The following HDLBP variants were observed in gnomAD, a reference collection of about 807,000 sequenced individuals.
The protein encoded by HDLBP is vigilin.
HDLBP carries 30 observed loss-of-function variants against 137.3 expected under a neutral mutation model. That is an observed-to-expected ratio of 0.22 (90% CI 0.16 to 0.30). The LOEUF is 0.30. HDLBP is among the 10% of genes least tolerant of loss of function. The pLI is 1.00. For synonymous variants in HDLBP, 606 were observed against 596.0 expected (o/e 1.02, Z -0.24); for missense variants, 1,119 against 1,667.3 (o/e 0.67, Z 5.73).
chr2:241,234,741 T>G (rs1414000414), intron 23 of HDLBP, among the ~76,000 whole-genome samples: 1 of 152,202 alleles, frequency 6.6e-6, no homozygotes, highest in Non-Finnish European at 1.5e-5. Flanking sequence ...TCATTCGCCC[T>G]TTGACCACCC....
rs541010493 is a variant in HDLBP, at chr2:241,229,296, G to A, written c.*305C>T. 1.3e-5 allele frequency: 4 copies of A among 315,864 alleles called. No homozygotes were observed. The highest frequency in any genetic ancestry group is 8.7e-5 in the East Asian group (1 of 11,474). 19.6% of individuals were successfully genotyped at this position (315,864 alleles called of 1,614,324 possible). A position where few individuals can be genotyped will look rare whatever the true frequency, so the allele number is the denominator to read the frequency against. On this transcript the variant is annotated 3_prime_UTR_variant, in exon 28 of 28. Transcript: ENST00000310931. Reference sequence around the variant, plus strand: ...TCCTAGCCACGGCTGCGGAGCTCTCGTGATGAAGGCCAGAGTGCTGACTGA... The same window carrying A: ...TCCTAGCCACGGCTGCGGAGCTCTCATGATGAAGGCCAGAGTGCTGACTGA...
intron 7 of HDLBP, 115 bp from the exon 8 acceptor site, chr2:241,255,695 C>G: frequency 2.6e-6 from 2 of 756,998 alleles, no homozygotes; most frequent in Admixed American, 2.1e-5. Flanking sequence ...AGATGCTGAT[C>G]CCAAGAAGTG....
At chr2:241,306,919 C>G (rs1368395438) in intron 1 of HDLBP, among the ~76,000 whole-genome samples, 1 of 150,354 alleles carries the variant, frequency 6.7e-6, no homozygotes, top group Non-Finnish European at 1.5e-5. Context: ...TCCCAAGTCC[C>G]CAAGTCATAA....
intron 3 of HDLBP, among the ~76,000 whole-genome samples, chr2:241,265,095 T>C (rs1375144068): frequency 6.6e-6 from 1 of 152,222 alleles, no homozygotes; most frequent in Non-Finnish European, 1.5e-5. Flanking sequence ...CAAACTCTGA[T>C]TTTCCACTGT....
At chr2:241,273,354 C>G (rs891251062) in intron 1 of HDLBP, 3 of 616,762 alleles carry the variant, frequency 4.9e-6, no homozygotes, top group Non-Finnish European at 6.1e-6. Context: ...CTTAATCTCC[C>G]CCCCAAAATG....
intron 1 of HDLBP, among the ~76,000 whole-genome samples, chr2:241,279,672 G>A (rs1289471817): frequency 6.6e-6 from 1 of 152,114 alleles, no homozygotes; most frequent in Admixed American, 6.5e-5. Flanking sequence ...TACAGTAGGA[G>A]GGAAAAACTA....
intron 1 of HDLBP, 134 bp from the exon 2 acceptor site, chr2:241,268,675 C>A: frequency 5.3e-6 from 1 of 187,740 alleles, no homozygotes; most frequent in Non-Finnish European, 1.0e-5. Context: ...TTACTAACAC[C>A]AATACTCAGG....
chr2:241,232,982 G>A (rs2069956606), intron 24 of HDLBP, among the ~76,000 whole-genome samples: 1 of 144,082 alleles, frequency 6.9e-6, no homozygotes, highest in Non-Finnish European at 1.5e-5. Context: ...AGCTGGGGAG[G>A]AAGAAGGGGA....
chr2:241,287,214 G>A (rs1226927449), intron 1 of HDLBP, among the ~76,000 whole-genome samples: 3 of 152,006 alleles, frequency 2.0e-5, no homozygotes, highest in Non-Finnish European at 2.9e-5. Flanking sequence ...GGGTTCAAGC[G>A]ATTCTCTTGC....
chr2:241,229,784 G>GGCCCCCCCCCCCCCC, intron 27 of HDLBP, 49 bp downstream of exon 27: 1 of 1,502,548 alleles, frequency 6.7e-7, no homozygotes. Flanking sequence ...AAGCCCGCCT[G>GGCCCCCCCCCCCCCC]CCCGCCCACC....
In HDLBP at chr2:241,239,296, T is replaced by A. The variant is rs146918441; in HGVS notation, c.2610+306A>T. On this transcript the variant is annotated intron_variant, in intron 19 of 27. Coordinates refer to ENST00000310931, the MANE Select transcript of HDLBP (RefSeq NM_005336.6). The surrounding 1 kb of genome is among the most constrained non-coding windows in gnomAD (Gnocchi z 4.6). ...CTGCATTTTCATTTTTCCTGATCCC[T>A]TATACAGAATGCATTTTCTTTCTTT... Among the ~76,000 whole-genome samples the A allele has an allele frequency of 3.3e-5, 5 of 152,258 alleles. No individual in the cohort carries two copies. The East Asian group carries it at 9.6e-4, about 29-fold the overall frequency.
rs201789453 is a variant in HDLBP at position 241,236,529 on chromosome 2, G to A, written c.2904+86C>T. On this transcript the variant is annotated intron_variant, in intron 21 of 27. Transcript: ENST00000310931. The stretch of plus-strand genomic sequence containing the variant: ...CACTGCCACTGCCGCTTGGGCAACC[G>A]TCCATCCCATCCAGGCCACGCGTCT... 2.6e-4 allele frequency: 364 copies of A among 1,395,170 alleles called. 2 individuals are homozygous for A. In the East Asian group the frequency reaches 6.9e-3, roughly 26 times the overall value. 86.4% of individuals were successfully genotyped at this position (1,395,170 alleles called of 1,614,324 possible). A position where few individuals can be genotyped will look rare whatever the true frequency, so the allele number is the denominator to read the frequency against.
chr2:241,305,238 C>A (rs568530089), intron 1 of HDLBP, among the ~76,000 whole-genome samples: 1 of 152,366 alleles, frequency 6.6e-6, no homozygotes, highest in African/African-American at 2.4e-5. Flanking sequence ...ATCTTCCTGT[C>A]TCAGCCTGCT....
chr2:241,239,670 T>C lies in HDLBP; in HGVS notation c.2542A>G (p.Thr848Ala). 6.2e-7 allele frequency: 1 copy of C among 1,614,168 alleles called. No individual in the cohort carries two copies. Among genetic ancestry groups the C allele is most frequent in the Non-Finnish European group, 8.5e-7 (1 of 1,180,022 alleles). Residue 848 changes from threonine (T) to alanine (A), a missense_variant, in exon 19 of 28, where the codon ACC becomes GCC. Thr to Ala is a moderately conservative substitution (Grantham distance 58). Around this residue, in one of 4 missense-constraint regions of HDLBP, gnomAD observed 618 missense variants for 816.7 expected, o/e 0.76. Coordinates refer to ENST00000310931, the MANE Select transcript of HDLBP (RefSeq NM_005336.6). This position sits in a 1 kb window ranked among gnomAD's most constrained non-coding sequence, Gnocchi z 4.6. ...ACACAGTCCTTGGCGCCCTTGAGGG[T>C]GACTTTGTCGCTCTGTGTGCCAGAG... is the stretch of plus-strand genomic sequence containing the variant. The part of the protein sequence containing the change: ...PRSGTQSDKV[T>A]LKGAKDCVEA...
intron 1 of HDLBP, among the ~76,000 whole-genome samples, chr2:241,296,256 G>A (rs1303598249): frequency 6.6e-6 from 1 of 152,176 alleles, no homozygotes; most frequent in African/African-American, 2.4e-5. Flanking sequence ...TGATACAAGT[G>A]CCATTTCAAA....
At chr2:241,301,846 T>G (rs1370449792) in intron 1 of HDLBP, among the ~76,000 whole-genome samples, 1 of 151,848 alleles carries the variant, frequency 6.6e-6, no homozygotes, top group East Asian at 1.9e-4. Context: ...TCAGAAACCA[T>G]ACATCTTATA....
In HDLBP at chr2:241,230,715, C is replaced by G. The variant is rs936052438; in HGVS notation, c.3474+44G>C. The G allele has an allele frequency of 1.3e-6, 2 of 1,561,458 alleles. No homozygotes were observed. The highest frequency in any genetic ancestry group is 1.8e-6 in the Non-Finnish European group (2 of 1,135,362). ...TTTCTTCTGGCCAGCCAGGTGCCCC[C>G]GGTGAGAGAGGATTCTCACCCACTG... On this transcript the variant is annotated intron_variant, in intron 25 of 27. Coordinates refer to ENST00000310931, the MANE Select transcript of HDLBP (RefSeq NM_005336.6). This position sits in a 1 kb window ranked among gnomAD's most constrained non-coding sequence, Gnocchi z 5.0.
intron 12 of HDLBP, 113 bp from the exon 13 acceptor site, chr2:241,248,461 G>A: frequency 4.6e-6 from 4 of 863,900 alleles, no homozygotes; most frequent in Non-Finnish European, 7.6e-6. Context: ...GAGCAGGTGA[G>A]GTGGTCTCCA....
chr2:241,264,177 G>A (rs1340286602), intron 4 of HDLBP, among the ~76,000 whole-genome samples: 1 of 151,776 alleles, frequency 6.6e-6, no homozygotes, highest in African/African-American at 2.4e-5. Flanking sequence ...TCCTTGTTAA[G>A]ATGGTGAAAC....
Sources: allele counts gnomAD v4.1 joint callset (sites outside exome capture counted in the v4.1 genomes callset), GRCh38; gene constraint gnomAD v4.1.1; regional missense constraint gnomAD v4.1.1; non-coding constraint Gnocchi (gnomAD v3.1); transcripts MANE v1.5; gene names NCBI Gene and HGNC (gene_info 2026-07-23, HGNC 2026-07-21).